Variants in EEA1 observed in about 807,000 individuals in gnomAD.
EEA1 encodes early endosome antigen 1, also known as early endosome antigen 1, 162kD.
A neutral mutation model predicts 209.2 loss-of-function variants in EEA1; 111 were observed. The observed-to-expected ratio is 0.53, with a 90% CI of 0.45 to 0.62. The LOEUF (loss-of-function observed/expected upper bound fraction) is 0.62. Among genes scored for constraint, EEA1 ranks in the 20% least tolerant of loss-of-function variants. The probability of loss-of-function intolerance (pLI) is 0.00; values close to 1 mark genes in which losing one functional copy is unlikely to be tolerated. For missense variants in EEA1, 1,343 were observed against 1,530.8 expected (o/e 0.88, Z 2.05); for synonymous variants, 536 against 540.6 (o/e 0.99, Z 0.12).
At chr12:92,847,897 T>C (rs1182967473) in intron 9 of EEA1, among the ~76,000 whole-genome samples, 21 of 152,162 alleles carry the variant, frequency 1.4e-4, no homozygotes, top group Admixed American at 1.4e-3. Context: ...ATCCAAAACC[T>C]ACTGGTGCTC....
intron 10 of EEA1, chr12:92,835,357 C>T (rs901169073): frequency 6.5e-6 from 2 of 307,388 alleles, no homozygotes; most frequent in East Asian, 2.1e-4. Flanking sequence ...AAGTAACCAA[C>T]TAATCCCACC....
chr12:92,906,846 T>G (rs1366049670), intron 1 of EEA1, among the ~76,000 whole-genome samples: 1 of 152,000 alleles, frequency 6.6e-6, no homozygotes, highest in African/African-American at 2.4e-5. Context: ...AAATGTAACT[T>G]TCAACACTGA....
At chr12:92,777,026 C>G (rs1009403990) in intron 27 of EEA1, 84 bp from the exon 28 acceptor site, 1 of 1,446,612 alleles carries the variant, frequency 6.9e-7, no homozygotes, top group Admixed American at 1.8e-5. Context: ...TGCCAGAGTT[C>G]TATAAAATTT....
intron 2 of EEA1, among the ~76,000 whole-genome samples, chr12:92,882,095 C>A (rs186064107): frequency 6.6e-6 from 1 of 151,958 alleles, no homozygotes; most frequent in East Asian, 1.9e-4. Context: ...TGGAATCTTT[C>A]TAGTCATATG....
At chr12:92,883,690 T>G in intron 2 of EEA1, 2 of 736,880 alleles carry the variant, frequency 2.7e-6, no homozygotes, top group Non-Finnish European at 4.7e-6. Flanking sequence ...AAGAATACAG[T>G]GAGACACGTT....
At position 92,809,169 on chromosome 12, in the gene EEA1, TATG is replaced by T. The variant is rs1565816851; in HGVS notation, c.2200-16_2200-14del. The T allele has an allele frequency of 6.5e-7, 1 of 1,543,566 alleles. No homozygotes were observed. Among genetic ancestry groups the T allele is most frequent in the Non-Finnish European group, 8.7e-7 (1 of 1,148,064 alleles). On this transcript the variant is annotated splice_polypyrimidine_tract_variant and intron_variant, in intron 17 of 28. Coordinates refer to ENST00000322349, the MANE Select transcript of EEA1 (RefSeq NM_003566.4). ...CAGCTTCTAGTTTCTATGAAAGAAA[TATG>T]ATATGGCAGCCATTTTAATATTAGT...
At chr12:92,833,811 C>T (rs1876779071) in intron 10 of EEA1, among the ~76,000 whole-genome samples, 1 of 152,066 alleles carries the variant, frequency 6.6e-6, no homozygotes, top group African/African-American at 2.4e-5. Flanking sequence ...CCACAAAAAC[C>T]TTCTAAGAAA....
At position 92,806,960 on chromosome 12, in the gene EEA1, C is replaced by T. The variant is rs560480356; in HGVS notation, c.2339+2057G>A. Reference sequence around the variant, plus strand: ...TTTAATAATTTTTTTTTTTTTGAGACGGAGTCTCGCTCTGTCGCCCAGGTT... The same window carrying T: ...TTTAATAATTTTTTTTTTTTTGAGATGGAGTCTCGCTCTGTCGCCCAGGTT... On this transcript the variant is annotated intron_variant, in intron 18 of 28. Coordinates refer to ENST00000322349, the MANE Select transcript of EEA1 (RefSeq NM_003566.4). Among the ~76,000 whole-genome samples, 17 of 147,888 alleles carry T rather than the reference C, an allele frequency of 1.1e-4. 1 individual carries two copies. In the South Asian group the frequency reaches 2.5e-3, roughly 22 times the overall value.
intron 14 of EEA1, among the ~76,000 whole-genome samples, chr12:92,817,155 A>G (rs1259396577): frequency 2.6e-5 from 4 of 151,090 alleles, no homozygotes; most frequent in African/African-American, 4.9e-5. Flanking sequence ...GCTAGCTTAC[A>G]TAATACTATC....
chr12:92,810,861 AG>A (rs1307063437), intron 17 of EEA1, among the ~76,000 whole-genome samples: 1 of 152,088 alleles, frequency 6.6e-6, no homozygotes, highest in African/African-American at 2.4e-5. Context: ...CAAAATCCAA[AG>A]GGTATAAAGT....
intron 14 of EEA1, among the ~76,000 whole-genome samples, chr12:92,818,170 G>A (rs1401986323): frequency 6.6e-6 from 1 of 152,030 alleles, no homozygotes; most frequent in African/African-American, 2.4e-5. Flanking sequence ...AATTCGATCT[G>A]CCTTAACCTC....
At chr12:92,927,475 T>C (rs1237272602) in intron 1 of EEA1, among the ~76,000 whole-genome samples, 1 of 152,242 alleles carries the variant, frequency 6.6e-6, no homozygotes, top group Non-Finnish European at 1.5e-5. Flanking sequence ...ATGATCTTCA[T>C]ATAATCTCGA....
In EEA1 at chr12:92,782,053, T is replaced by C. The variant is rs1482820475; in HGVS notation, c.3233A>G (p.Gln1078Arg). The C allele has an allele frequency of 9.9e-6, 16 of 1,612,938 alleles. No individual in the cohort carries two copies. The highest frequency in any genetic ancestry group is 1.4e-5 in the Non-Finnish European group (16 of 1,179,244). The part of the protein sequence containing the change: ...NQIGNQNKLI[Q>R]ELKTAKATLE... The stretch of plus-strand genomic sequence containing the variant: ...TGTAGCCTTGGCAGTCTTCAGTTCT[T>C]GAATCAATTTATTTTGATTTCCAAT... The change falls in exon 23 of 29, where the codon CAA (glutamine) becomes CGA (arginine). Residue 1078 changes from glutamine (Q) to arginine (R), a missense_variant. Around this residue, in one of 3 missense-constraint regions of EEA1, gnomAD observed 1,307 missense variants for 1,465.5 expected, o/e 0.89. Coordinates refer to ENST00000322349, the MANE Select transcript of EEA1 (RefSeq NM_003566.4).
At chr12:92,809,277 T>C (rs2136673327) in intron 17 of EEA1, 121 bp from the exon 18 acceptor site, 1 of 664,244 alleles carries the variant, frequency 1.5e-6, no homozygotes, top group South Asian at 4.5e-5. Flanking sequence ...AAATTTATTA[T>C]AATAAAAAAC....
At chr12:92,858,526 G>A in intron 3 of EEA1, 1 of 802,128 alleles carries the variant, frequency 1.2e-6, no homozygotes, top group Non-Finnish European at 2.2e-6. Flanking sequence ...ACTGAGGAGT[G>A]TATGTAGGCC....
chr12:92,838,689 A>G (rs1320286480), intron 10 of EEA1, among the ~76,000 whole-genome samples: 1 of 152,222 alleles, frequency 6.6e-6, no homozygotes, highest in Non-Finnish European at 1.5e-5. Flanking sequence ...TCTGCCCTAC[A>G]GGACAGGAAT....
Position 92,828,022 on chromosome 12 carries a change from C to A in EEA1, c.1294G>T (p.Glu432Ter). The change falls in exon 12 of 29, where the codon GAA becomes TAA. Residue 432 changes from glutamate (E) to a stop codon, truncating the protein, a stop_gained. Coordinates refer to ENST00000322349, the MANE Select transcript of EEA1 (RefSeq NM_003566.4). LOFTEE classifies it high-confidence loss of function. The stretch of plus-strand genomic sequence containing the variant: ...TGTTCCTTCAGCCTACCATGAGCTT[C>A]CCCTAGTTGGCGCTCTGTCTCCAGA... ...KLLETERQLG[E>*]AHGRLKEQRQ... 6.3e-7 allele frequency: 1 copy of A among 1,592,166 alleles called. No homozygotes were observed. Among genetic ancestry groups the A allele is most frequent in the South Asian group, 1.2e-5 (1 of 86,760 alleles).
At chr12:92,782,958 G>A (rs976024181) in intron 22 of EEA1, among the ~76,000 whole-genome samples, 6 of 152,324 alleles carry the variant, frequency 3.9e-5, no homozygotes, top group East Asian at 1.9e-4. Context: ...TGGCATGCCC[G>A]GGGAGGGCAC....
At chr12:92,921,850 G>A (rs1236082965) in intron 1 of EEA1, among the ~76,000 whole-genome samples, 9 of 111,216 alleles carry the variant, frequency 8.1e-5, no homozygotes, top group Admixed American at 1.2e-4. Context: ...CCTGGCGACA[G>A]AGCAAGACTC....
Sources: gnomAD v4.1 joint callset for allele counts (sites outside exome capture counted in the v4.1 genomes callset) on GRCh38, gnomAD v4.1.1 for gene constraint, gnomAD v4.1.1 regional missense constraint, MANE v1.5 for transcripts, NCBI Gene and HGNC (gene_info 2026-07-23, HGNC 2026-07-21) for gene names.